Variants in MMP16 observed in about 807,000 individuals in gnomAD.
MMP16 encodes the protein matrix metalloproteinase-16.
In MMP16, 12 loss-of-function variants were observed where a neutral mutation model predicts 67.8. The ratio of observed to expected loss-of-function variants is 0.18; its 90% CI spans 0.11 to 0.29. MMP16 has a LOEUF of 0.29. MMP16 is among the 10% of genes least tolerant of loss of function. The pLI, the probability that MMP16 is intolerant of heterozygous loss-of-function variation, is 1.00. For missense variants in MMP16, 475 were observed against 765.7 expected (o/e 0.62, Z 4.48); for synonymous variants, 249 against 255.9 (o/e 0.97, Z 0.26).
At chr8:88,105,429 AATTGGACTC>A (rs1809221112) in intron 6 of MMP16, among the ~76,000 whole-genome samples, 1 of 151,532 alleles carries the variant, frequency 6.6e-6, no homozygotes, top group Non-Finnish European at 1.5e-5. Flanking sequence ...TCACCTTTAA[AATTGGACTC>A]ATTTGCTATT....
intron 7 of MMP16, chr8:88,069,431 C>T (rs1439973298): frequency 1.9e-6 from 1 of 531,118 alleles, no homozygotes; most frequent in Non-Finnish European, 3.9e-6. Flanking sequence ...GTCTTGAGAG[C>T]ACAGGCACTG....
chr8:88,235,451 T>C lies in MMP16; in HGVS notation c.133-38145A>G, dbSNP rs545491685. Among the ~76,000 whole-genome samples the C allele has an allele frequency of 2.7e-4, 41 of 151,956 alleles. 1 individual carries two copies. The South Asian group carries it at 4.6e-3, about 17-fold the overall frequency. ...ATGGTATTATAAGTAGTAAGTGATA[T>C]GCCAGGTAAATGCCAAAGTTCTAAC... On this transcript the variant is annotated intron_variant, in intron 1 of 9. Coordinates refer to ENST00000286614, the MANE Select transcript of MMP16 (RefSeq NM_005941.5).
At chr8:88,284,886 C>T (rs1451634823) in intron 1 of MMP16, among the ~76,000 whole-genome samples, 5 of 149,688 alleles carry the variant, frequency 3.3e-5, no homozygotes, top group South Asian at 2.1e-4. Context: ...CCCCTAGTGT[C>T]GTCTAGCCTC....
At chr8:88,259,699 G>A (rs181671218) in intron 1 of MMP16, among the ~76,000 whole-genome samples, 176 of 152,232 alleles carry the variant, frequency 1.2e-3, no homozygotes, top group Non-Finnish European at 1.3e-3. Context: ...GTTAACAACG[G>A]AACACTGATT....
At chr8:88,075,290 GA>G (rs1170500218) in intron 6 of MMP16, among the ~76,000 whole-genome samples, 2 of 151,872 alleles carry the variant, frequency 1.3e-5, no homozygotes, top group East Asian at 1.9e-4. Context: ...AAATTATTTT[GA>G]AAAAAATAAA....
chr8:88,053,168 A>G (rs1469787677), intron 8 of MMP16, among the ~76,000 whole-genome samples: 1 of 152,150 alleles, frequency 6.6e-6, no homozygotes, highest in Non-Finnish European at 1.5e-5. Context: ...GTGCTGCCTC[A>G]TGTTCATACT....
At chr8:88,161,648 T>A (rs992220542) in intron 4 of MMP16, among the ~76,000 whole-genome samples, 6 of 152,128 alleles carry the variant, frequency 3.9e-5, no homozygotes, top group African/African-American at 1.4e-4. Context: ...GATGTTAGGG[T>A]GTTAATTTTA....
At chr8:88,077,642 G>C (rs1808673467) in intron 6 of MMP16, among the ~76,000 whole-genome samples, 4 of 152,088 alleles carry the variant, frequency 2.6e-5, no homozygotes, top group Admixed American at 1.3e-4. Context: ...CACATAATAG[G>C]TGCACAATAA....
Position 88,041,825 on chromosome 8 carries a change from T to A in MMP16, c.1490-30A>T, listed in dbSNP as rs141851128. ...GGGGAAAAACATACACACACACAGGTACCACTTATTTGTGACAGTGTATAT... is the reference window on the plus strand; with the variant it reads ...GGGGAAAAACATACACACACACAGGAACCACTTATTTGTGACAGTGTATAT... On this transcript the variant is annotated intron_variant, in intron 9 of 9. Transcript: ENST00000286614. This position sits in a 1 kb window ranked among gnomAD's most constrained non-coding sequence, Gnocchi z 6.0. The A allele has an allele frequency of 2.9e-4, 435 of 1,489,298 alleles. 2 individuals are homozygous for A. In the African/African-American group the frequency reaches 5.4e-3, roughly 19 times the overall value. 92.3% of individuals were successfully genotyped at this position (1,489,298 alleles called of 1,614,324 possible).
rs751446440 is a variant in MMP16 at position 88,118,763 on chromosome 8, A to G, written c.808T>C (p.Tyr270His). ...PTAIMAPFYQ[Y>H]METDNFKLPN... ...AGTTTGAAGTTGTCTGTTTCCATGT[A>G]CTGGTAAAATGGAGCCATGATGGCA... Residue 270 changes from tyrosine (Y) to histidine (H), a missense_variant, in exon 5 of 10, where the codon TAC (tyrosine) becomes CAC (histidine). Around this residue, in one of 5 missense-constraint regions of MMP16, gnomAD observed 195 missense variants for 300.9 expected, o/e 0.65. Transcript: ENST00000286614. 3 of 1,613,378 alleles carry G rather than the reference A, an allele frequency of 1.9e-6. No individual in the cohort carries two copies. In the Admixed American group the frequency reaches 5.0e-5, roughly 27 times the overall value.
At chr8:88,173,561 A>G (rs1473788888) in intron 3 of MMP16, among the ~76,000 whole-genome samples, 1 of 152,204 alleles carries the variant, frequency 6.6e-6, no homozygotes, top group Non-Finnish European at 1.5e-5. Context: ...TTTATGTAAA[A>G]TGATTATCGG....
At chr8:88,091,772 A>G (rs1157651441) in intron 6 of MMP16, among the ~76,000 whole-genome samples, 1 of 151,896 alleles carries the variant, frequency 6.6e-6, no homozygotes, top group Non-Finnish European at 1.5e-5. Context: ...GCCACTAGCC[A>G]TGTGTAGCTA....
intron 1 of MMP16, among the ~76,000 whole-genome samples, chr8:88,212,696 C>T (rs937353263): frequency 1.3e-5 from 2 of 152,078 alleles, no homozygotes; most frequent in African/African-American, 4.8e-5. Flanking sequence ...TGTATCCATT[C>T]TCCACCATAA....
chr8:88,210,309 T>C (rs1227929456), intron 1 of MMP16, among the ~76,000 whole-genome samples: 3 of 152,274 alleles, frequency 2.0e-5, no homozygotes, highest in Non-Finnish European at 2.9e-5. Flanking sequence ...GGTTGCTTTG[T>C]TTATTTATGG....
At chr8:88,215,528 C>T (rs573580116) in intron 1 of MMP16, among the ~76,000 whole-genome samples, 10 of 152,114 alleles carry the variant, frequency 6.6e-5, no homozygotes, top group Non-Finnish European at 1.3e-4. Context: ...GAAAAGAAGA[C>T]AAAAGAAAGA....
At chr8:88,050,418 T>A (rs757899618) in intron 8 of MMP16, among the ~76,000 whole-genome samples, 2 of 152,216 alleles carry the variant, frequency 1.3e-5, no homozygotes, top group Non-Finnish European at 2.9e-5. Context: ...AATACATACC[T>A]AGCAACCAGA....
At chr8:88,302,210 G>A (rs960686586) in intron 1 of MMP16, among the ~76,000 whole-genome samples, 4 of 152,060 alleles carry the variant, frequency 2.6e-5, no homozygotes, top group Non-Finnish European at 5.9e-5. Context: ...TAATTAGGAG[G>A]GCAAAGAGCA....
intron 1 of MMP16, among the ~76,000 whole-genome samples, chr8:88,230,959 T>C (rs915033873): frequency 2.6e-5 from 4 of 152,146 alleles, no homozygotes; most frequent in East Asian, 1.9e-4. Flanking sequence ...TGTGCAGATA[T>C]AGGAAGTCAT....
intron 4 of MMP16, among the ~76,000 whole-genome samples, chr8:88,132,987 C>T (rs1808057832): frequency 6.6e-6 from 1 of 151,878 alleles, no homozygotes; most frequent in African/African-American, 2.4e-5. Flanking sequence ...AAATAAATAA[C>T]AAGGAGTACT....
Sources: allele counts gnomAD v4.1 joint callset (sites outside exome capture counted in the v4.1 genomes callset), GRCh38; gene constraint gnomAD v4.1.1; regional missense constraint gnomAD v4.1.1; non-coding constraint Gnocchi (gnomAD v3.1); transcripts MANE v1.5; gene names NCBI Gene and HGNC (gene_info 2026-07-23, HGNC 2026-07-21).